Variants in OR3A2 observed in about 807,000 individuals in gnomAD.
OR3A2 encodes olfactory receptor 3A2.
For synonymous variants in OR3A2, 126 were observed against 159.3 expected, an observed-to-expected ratio of 0.79 and a Z score of 1.57; for missense variants, 318 against 392.8, an observed-to-expected ratio of 0.81 and a Z score of 1.61.
At chr17:3,358,952 C>G (rs2049485999) in intron 2 of OR3A2, among the ~76,000 whole-genome samples, 1 of 151,688 alleles carries the variant, frequency 6.6e-6, no homozygotes, top group Non-Finnish European at 1.5e-5. Context: ...CTTTATAAAT[C>G]TGGGTACTCC....
intron 3 of OR3A2, among the ~76,000 whole-genome samples, chr17:3,326,295 G>C (rs1047871744): frequency 1.3e-5 from 2 of 151,972 alleles, no homozygotes; most frequent in African/African-American, 4.8e-5. Flanking sequence ...TATTCATTTG[G>C]GTTTATACCC....
At chr17:3,341,624 G>A (rs568651124) in intron 2 of OR3A2, among the ~76,000 whole-genome samples, 1 of 152,282 alleles carries the variant, frequency 6.6e-6, no homozygotes, top group African/African-American at 2.4e-5. Context: ...AGTTTCTGCT[G>A]AGAGATCCAC....
chr17:3,306,218 C>G (rs917417169), intron 3 of OR3A2, among the ~76,000 whole-genome samples: 4 of 152,134 alleles, frequency 2.6e-5, no homozygotes, highest in African/African-American at 9.7e-5. Context: ...ATGGCGCCAT[C>G]ATAGCTCAAC....
chr17:3,280,224 A>C (rs557105440), intron 1 of OR3A2, among the ~76,000 whole-genome samples: 12 of 152,006 alleles, frequency 7.9e-5, no homozygotes, highest in Admixed American at 5.2e-4. Context: ...ATACATCCTG[A>C]AATGACGAAG....
Position 3,298,849 on chromosome 17 carries a change from A to T in OR3A2, c.-84-19696T>A, listed in dbSNP as rs150393877. On this transcript the variant is annotated intron_variant, in intron 3 of 4. Coordinates refer to the OR3A2 transcript ENST00000573491. ...CGAGAAAACGAGTGAGCCAGAAATG[A>T]GATCATCCAGTCATCTATCCACTGC... 6.5e-3 allele frequency among the ~76,000 whole-genome samples: 993 copies of T among 152,278 alleles called. 9 individuals are homozygous for T. The highest frequency in any genetic ancestry group is 0.022 in the African/African-American group (901 of 41,542).
intron 3 of OR3A2, among the ~76,000 whole-genome samples, chr17:3,301,454 A>T (rs1043848152): frequency 6.6e-6 from 1 of 152,012 alleles, no homozygotes; most frequent in Non-Finnish European, 1.5e-5. Context: ...GATGATGAGC[A>T]TTTTTTCATG....
downstream of OR3A2, among the ~76,000 whole-genome samples, chr17:3,276,408 CA>C (rs1221803306): frequency 2.0e-5 from 3 of 152,198 alleles, no homozygotes; most frequent in Non-Finnish European, 4.4e-5. Context: ...CAACAATTGT[CA>C]GAGGCGTAAA....
chr17:3,333,662 T>C (rs371203005), intron 3 of OR3A2, among the ~76,000 whole-genome samples: 33 of 152,286 alleles, frequency 2.2e-4, no homozygotes, highest in African/African-American at 7.7e-4. Flanking sequence ...AGAAAGAACC[T>C]GCATTGAAAT....
In OR3A2 at chr17:3,355,616, G is replaced by C. The variant is rs574934276; in HGVS notation, c.-178-19490C>G. On this transcript the variant is annotated intron_variant, in intron 2 of 4. Transcript: ENST00000573491. ...CAGTTTTTGTCTGGACATCTATTTT[G>C]TCTAATGTAAGTATAGCTACTTCTG... Among the ~76,000 whole-genome samples the C allele has an allele frequency of 2.0e-5, 3 of 151,234 alleles. No homozygotes were observed. The South Asian group carries it at 6.2e-4, about 31-fold the overall frequency.
chr17:3,321,172 T>C (rs935031989), intron 3 of OR3A2, among the ~76,000 whole-genome samples: 8 of 151,530 alleles, frequency 5.3e-5, no homozygotes, highest in East Asian at 1.9e-4. Context: ...ATGATTTGGC[T>C]CTCTGTTTGT....
intron 2 of OR3A2, among the ~76,000 whole-genome samples, chr17:3,375,500 C>G (rs1296896922): frequency 6.6e-6 from 1 of 151,708 alleles, no homozygotes; most frequent in Non-Finnish European, 1.5e-5. Flanking sequence ...TGGGGTTTCA[C>G]CATGATGGTC....
At chr17:3,322,520 C>T (rs2519717) in intron 3 of OR3A2, among the ~76,000 whole-genome samples, 105,213 of 152,022 alleles carry the variant, frequency 0.69, 37,999 homozygotes, top group East Asian at 1. Flanking sequence ...GTGCTATAAA[C>T]TTCCCTTTAC....
chr17:3,374,058 A>C (rs1425744925), intron 2 of OR3A2, among the ~76,000 whole-genome samples: 4 of 152,138 alleles, frequency 2.6e-5, no homozygotes, highest in Non-Finnish European at 5.9e-5. Context: ...TTGTTCATGA[A>C]GTTTAGTTTT....
chr17:3,323,870 T>C (rs369201806), intron 3 of OR3A2, among the ~76,000 whole-genome samples: 1 of 152,000 alleles, frequency 6.6e-6, no homozygotes, highest in Admixed American at 6.6e-5. Flanking sequence ...ATCTTTGTGG[T>C]GTTCTCTGTA....
chr17:3,291,735 AC>A (rs1455170208), intron 3 of OR3A2: 1 of 1,613,786 alleles, frequency 6.2e-7, no homozygotes, highest in Non-Finnish European at 8.5e-7. Context: ...GGGATTGATG[AC>A]AGTGTTGAAA....
At chr17:3,338,154 G>A (rs1314643298) in intron 2 of OR3A2, among the ~76,000 whole-genome samples, 1 of 152,126 alleles carries the variant, frequency 6.6e-6, no homozygotes, top group Non-Finnish European at 1.5e-5. Context: ...TAAGTTCTTT[G>A]TAGATTCTGG....
chr17:3,318,087 T>G (rs1174120458), intron 3 of OR3A2, among the ~76,000 whole-genome samples: 1 of 152,182 alleles, frequency 6.6e-6, no homozygotes, highest in Non-Finnish European at 1.5e-5. Flanking sequence ...ATCCAGCAAG[T>G]CTTCAAAGAA....
At chr17:3,284,090 G>A (rs1252428285) in intron 1 of OR3A2, among the ~76,000 whole-genome samples, 6 of 148,882 alleles carry the variant, frequency 4.0e-5, no homozygotes, top group South Asian at 2.2e-4. Context: ...AGGGTTCCCC[G>A]CTGCCTGATG....
chr17:3,336,558 A>T (rs1196056706), intron 2 of OR3A2, among the ~76,000 whole-genome samples: 1 of 152,236 alleles, frequency 6.6e-6, no homozygotes, highest in East Asian at 1.9e-4. Flanking sequence ...TACTAAATCC[A>T]TTAATGGTAG....
Sources: allele counts gnomAD v4.1 joint callset (sites outside exome capture counted in the v4.1 genomes callset), GRCh38; gene constraint gnomAD v4.1.1; transcripts MANE v1.5; gene names NCBI Gene and HGNC (gene_info 2026-07-23, HGNC 2026-07-21).